DENND1B: variants seen among roughly 807,000 people sequenced by gnomAD.
DENND1B encodes DENN domain-containing protein 1B.
DENND1B carries 59 observed loss-of-function variants against 90.1 expected under a neutral mutation model. That is an observed-to-expected ratio of 0.65 (90% CI 0.53 to 0.81). The LOEUF is 0.81. Ranked by LOEUF, DENND1B falls within the 40% of genes least tolerant of loss-of-function variation. The pLI is 0.00. For missense variants in DENND1B, 862 were observed against 912.6 expected (o/e 0.94, Z 0.71); for synonymous variants, 337 against 324.6 (o/e 1.04, Z -0.41).
At chr1:197,697,620 C>T (rs955052963) in intron 3 of DENND1B, among the ~76,000 whole-genome samples, 1 of 151,684 alleles carries the variant, frequency 6.6e-6, no homozygotes, top group Non-Finnish European at 1.5e-5. Flanking sequence ...AGAAGTAGAG[C>T]CAGAACACAA....
At chr1:197,657,159 G>A (rs961926952) in intron 6 of DENND1B, among the ~76,000 whole-genome samples, 1 of 152,046 alleles carries the variant, frequency 6.6e-6, no homozygotes, top group African/African-American at 2.4e-5. Flanking sequence ...TAGAATACTC[G>A]CAAATCATCT....
At chr1:197,526,215 G>A (rs1021814352) in intron 20 of DENND1B, among the ~76,000 whole-genome samples, 3 of 152,026 alleles carry the variant, frequency 2.0e-5, no homozygotes, top group African/African-American at 2.4e-5. Flanking sequence ...AGCAGCAGTA[G>A]CCCTACAAAG....
intron 15 of DENND1B, among the ~76,000 whole-genome samples, chr1:197,561,580 C>A (rs1672167829): frequency 1.3e-5 from 2 of 151,742 alleles, no homozygotes; most frequent in Non-Finnish European, 2.9e-5. Flanking sequence ...AATGTATATA[C>A]CTCCAGTCCA....
chr1:197,548,745 C>G (rs1268324574), intron 16 of DENND1B, among the ~76,000 whole-genome samples: 1 of 151,820 alleles, frequency 6.6e-6, no homozygotes, highest in Non-Finnish European at 1.5e-5. Context: ...TGTATCACAC[C>G]CAAAGCAATT....
intron 10 of DENND1B, among the ~76,000 whole-genome samples, chr1:197,620,606 T>C (rs1272338089): frequency 2.0e-5 from 3 of 151,328 alleles, no homozygotes; most frequent in African/African-American, 7.3e-5. Context: ...TCAAAATATA[T>C]CTAAAAGTTT....
intron 15 of DENND1B, among the ~76,000 whole-genome samples, chr1:197,570,866 G>T (rs1170473919): frequency 6.6e-6 from 1 of 152,116 alleles, no homozygotes; most frequent in African/African-American, 2.4e-5. Context: ...CATTGACAAG[G>T]TCCTATGCAA....
chr1:197,583,042 C>A, intron 15 of DENND1B, 110 bp downstream of exon 15: 1 of 967,298 alleles, frequency 1.0e-6, no homozygotes. Flanking sequence ...AATTTCCTGA[C>A]ATTCTAGAAA....
chr1:197,544,980 AAGG>A (rs371544100), intron 18 of DENND1B, among the ~76,000 whole-genome samples: 76 of 38,824 alleles, frequency 2.0e-3, no homozygotes, highest in South Asian at 7.1e-3. Context: ...AGGAAGGAGG[AAGG>A]GGAAGAAGGA....
intron 3 of DENND1B, among the ~76,000 whole-genome samples, chr1:197,703,150 G>A (rs1659203606): frequency 6.6e-6 from 1 of 151,892 alleles, no homozygotes; most frequent in South Asian, 2.1e-4. Context: ...ACCAGGCCCG[G>A]CTAATTGTTT....
intron 20 of DENND1B, among the ~76,000 whole-genome samples, chr1:197,530,296 A>G (rs1393835877): frequency 6.6e-6 from 1 of 152,166 alleles, no homozygotes; most frequent in Non-Finnish European, 1.5e-5. Context: ...TCATAATCCC[A>G]TTTTCATCTT....
intron 16 of DENND1B, among the ~76,000 whole-genome samples, chr1:197,547,679 T>C (rs914196737): frequency 2.0e-5 from 3 of 152,220 alleles, no homozygotes; most frequent in African/African-American, 7.2e-5. Flanking sequence ...AAATAACCTT[T>C]GTAAAAATAA....
chr1:197,757,765 A>C (rs1025366539), intron 2 of DENND1B, among the ~76,000 whole-genome samples: 1 of 152,226 alleles, frequency 6.6e-6, no homozygotes, highest in Non-Finnish European at 1.5e-5. Context: ...GTCATTACCA[A>C]GATAGCCTTG....
intron 13 of DENND1B, among the ~76,000 whole-genome samples, chr1:197,598,716 A>G (rs1324704492): frequency 1.3e-5 from 2 of 151,868 alleles, no homozygotes; most frequent in African/African-American, 4.8e-5. Context: ...TCCTATTAAT[A>G]CTGAAAAAGT....
chr1:197,664,955 G>A (rs1388892375), intron 5 of DENND1B, among the ~76,000 whole-genome samples: 1 of 152,046 alleles, frequency 6.6e-6, no homozygotes, highest in Non-Finnish European at 1.5e-5. Context: ...ATAAAATTAT[G>A]TTAATCAAAT....
At chr1:197,647,175 A>T in intron 7 of DENND1B, 61 bp from the exon 8 acceptor site, 4 of 1,217,650 alleles carry the variant, frequency 3.3e-6, no homozygotes, top group Non-Finnish European at 4.3e-6. Context: ...CTTACACAAC[A>T]ATTTGCTGTG....
At chr1:197,597,348 G>A (rs535306627) in intron 13 of DENND1B, among the ~76,000 whole-genome samples, 1 of 151,454 alleles carries the variant, frequency 6.6e-6, no homozygotes, top group South Asian at 2.1e-4. Context: ...AAAAGATTAC[G>A]ATGTAAGGAA....
intron 15 of DENND1B, among the ~76,000 whole-genome samples, chr1:197,571,529 T>C (rs1673151949): frequency 6.6e-6 from 1 of 152,218 alleles, no homozygotes; most frequent in South Asian, 2.1e-4. Flanking sequence ...TATCACCTTT[T>C]CAGTAGTGCC....
At chr1:197,571,791 T>C (rs1005051592) in intron 15 of DENND1B, among the ~76,000 whole-genome samples, 7 of 152,056 alleles carry the variant, frequency 4.6e-5, no homozygotes, top group Non-Finnish European at 8.8e-5. Flanking sequence ...TTCAAACTAA[T>C]AGACACACAG....
At chr1:197,582,587 T>A (rs1674338951) in intron 15 of DENND1B, among the ~76,000 whole-genome samples, 1 of 152,168 alleles carries the variant, frequency 6.6e-6, no homozygotes, top group Non-Finnish European at 1.5e-5. Flanking sequence ...AAGCAGTGCA[T>A]CCAAAATTTC....
Sources: gnomAD v4.1 joint callset for allele counts (sites outside exome capture counted in the v4.1 genomes callset) on GRCh38, gnomAD v4.1.1 for gene constraint, MANE v1.5 for transcripts, NCBI Gene and HGNC (gene_info 2026-07-23, HGNC 2026-07-21) for gene names.